The following AHI1 variants were observed in gnomAD, a reference collection of about 807,000 sequenced individuals.
AHI1 encodes jouberin.
In AHI1, 123 loss-of-function variants were observed where a neutral mutation model predicts 149.3. The observed-to-expected ratio is 0.82, with a 90% CI of 0.71 to 0.96. The LOEUF is 0.96. AHI1 is among the 40% of genes least tolerant of loss of function. The pLI is 0.00. For missense variants in AHI1, 1,439 were observed against 1,422.7 expected (o/e 1.01, Z -0.18); for synonymous variants, 475 against 459.8 (o/e 1.03, Z -0.42).
chr6:135,411,878 T>C (rs1781646124), intron 20 of AHI1, among the ~76,000 whole-genome samples: 1 of 152,180 alleles, frequency 6.6e-6, no homozygotes, highest in Admixed American at 6.5e-5. Flanking sequence ...ATAATATTTA[T>C]TCACAAGCCT....
intron 26 of AHI1, among the ~76,000 whole-genome samples, chr6:135,318,247 C>G (rs756031493): frequency 2.0e-5 from 3 of 152,210 alleles, no homozygotes; most frequent in Non-Finnish European, 4.4e-5. Flanking sequence ...AGAAACAGCA[C>G]ACCTAAAGCC....
Position 135,455,887 on chromosome 6 carries a change from C to G in AHI1, c.1191G>C (p.Val397=). ...GGGTCATAATAGGAAGAATATAATC[C>G]ACATTCTCTTTTTCATAGTAAGATG... ...PVSSYYEKEN[V]DYILPIMTQP... The change falls in exon 10 of 29, where the codon GTG becomes GTC. Residue 397 remains valine, a synonymous_variant. Transcript: ENST00000265602. 6.5e-7 allele frequency: 1 copy of G among 1,547,866 alleles called. No homozygotes were observed. Among genetic ancestry groups the G allele is most frequent in the East Asian group, 2.3e-5 (1 of 43,738 alleles).
chr6:135,290,596 T>C (rs375877893), intron 27 of AHI1, 71 bp from the exon 28 acceptor site: 1 of 1,532,052 alleles, frequency 6.5e-7, no homozygotes. Flanking sequence ...GATGAGGCTT[T>C]GATCTAGGGC....
intron 13 of AHI1, 110 bp downstream of exon 13, chr6:135,446,898 G>T: frequency 8.4e-7 from 1 of 1,192,254 alleles, no homozygotes; most frequent in East Asian, 2.5e-5. Context: ...TTAAAAACAA[G>T]GATAAATAGC....
At chr6:135,443,239 CTCAT>C (rs1358056634) in intron 13 of AHI1, among the ~76,000 whole-genome samples, 1 of 152,176 alleles carries the variant, frequency 6.6e-6, no homozygotes, top group African/African-American at 2.4e-5. Context: ...TTATTGGTCT[CTCAT>C]TCATTATTAC....
chr6:135,385,883 AT>A (rs1257421475), intron 23 of AHI1, among the ~76,000 whole-genome samples: 1 of 152,224 alleles, frequency 6.6e-6, no homozygotes, highest in African/African-American at 2.4e-5. Context: ...GTGTCTTTAA[AT>A]TCTTTCTTAA....
chr6:135,342,844 T>C (rs1021870616), intron 24 of AHI1, among the ~76,000 whole-genome samples: 4 of 151,566 alleles, frequency 2.6e-5, no homozygotes, highest in Middle Eastern at 6.4e-3. Context: ...TCATAATTAA[T>C]GGTAAAAGAC....
chr6:135,394,596 C>T, intron 23 of AHI1, 180 bp downstream of exon 23: 1 of 833,092 alleles, frequency 1.2e-6, no homozygotes, highest in East Asian at 2.9e-5. Flanking sequence ...GTTACCAATT[C>T]CAAACTTACT....
chr6:135,448,485 A>T lies in AHI1; in HGVS notation c.1441-10T>A. 1 of 1,450,446 alleles carries T rather than the reference A, an allele frequency of 6.9e-7. No homozygotes were observed. Among genetic ancestry groups the T allele is most frequent in the African/African-American group, 1.4e-5 (1 of 72,274 alleles). 89.8% of individuals were successfully genotyped at this position (1,450,446 alleles called of 1,614,324 possible). ...CATTGGCTCCCAGAAGCTTAAAATA[A>T]GAATTCATATAAAATGTTACCTTCA... On this transcript the variant is annotated splice_polypyrimidine_tract_variant and intron_variant, in intron 11 of 28. Transcript: ENST00000265602.
rs541370297 is a variant in AHI1 at position 135,318,508 on chromosome 6, A to G, written c.3426+11T>C. The G allele has an allele frequency of 3.9e-6, 6 of 1,550,242 alleles. No individual in the cohort carries two copies. The East Asian group carries it at 1.4e-4, about 36-fold the overall frequency. ...AGTACATATGTAATACGTATGCTCA[A>G]AAACATTTACCTTTTGAGGAGCTGG... On this transcript the variant is annotated intron_variant, in intron 26 of 28. Transcript: ENST00000265602.
intron 23 of AHI1, among the ~76,000 whole-genome samples, chr6:135,374,505 T>C (rs1300279438): frequency 1.3e-5 from 2 of 152,128 alleles, no homozygotes; most frequent in African/African-American, 4.8e-5. Context: ...GTTTTGCAGA[T>C]AATATAATTT....
chr6:135,452,637 T>G (rs1275178812), intron 11 of AHI1, among the ~76,000 whole-genome samples: 1 of 152,206 alleles, frequency 6.6e-6, no homozygotes, highest in Admixed American at 6.5e-5. Context: ...CTATAATGGC[T>G]TCCTCTTGCT....
chr6:135,490,816 T>C, intron 4 of AHI1, 69 bp from the exon 5 acceptor site: 1 of 1,528,806 alleles, frequency 6.5e-7, no homozygotes, highest in African/African-American at 1.4e-5. Flanking sequence ...ACTACTAGGA[T>C]GTTAAGAAAT....
At chr6:135,377,462 GTTATTTATTTATTTAT>G (rs57058733) in intron 23 of AHI1, among the ~76,000 whole-genome samples, 10 of 148,408 alleles carry the variant, frequency 6.7e-5, no homozygotes, top group Admixed American at 1.3e-4. Flanking sequence ...CTGGCTTTGA[GTTATTTATTTATTTAT>G]TTATTTATTT....
intron 26 of AHI1, among the ~76,000 whole-genome samples, chr6:135,310,734 T>C (rs1785084176): frequency 6.6e-6 from 1 of 152,192 alleles, no homozygotes; most frequent in Non-Finnish European, 1.5e-5. Flanking sequence ...AAAATAACAG[T>C]AGTTTCTCCA....
chr6:135,344,389 TTA>T lies in AHI1; in HGVS notation c.3165+13741_3165+13742del, dbSNP rs1354105553. 1.7e-4 allele frequency among the ~76,000 whole-genome samples: 25 copies of T among 150,912 alleles called. No homozygotes were observed. The South Asian group carries it at 2.3e-3, about 14-fold the overall frequency. On this transcript the variant is annotated intron_variant, in intron 24 of 28. Coordinates refer to ENST00000265602, the MANE Select transcript of AHI1 (RefSeq NM_001134831.2). Reference sequence around the variant, plus strand: ...ATATAAATATATTTACATTAAAAATTTATATATATTTTACAAAATTTTACAAT... The same window carrying T: ...ATATAAATATATTTACATTAAAAATTTATATATTTTACAAAATTTTACAAT...
chr6:135,348,367 G>C (rs1455536391), intron 24 of AHI1, among the ~76,000 whole-genome samples: 7 of 151,978 alleles, frequency 4.6e-5, no homozygotes. Flanking sequence ...TTAACTCAAG[G>C]TTTGCTTCCT....
chr6:135,406,825 G>A lies in AHI1; in HGVS notation c.2962-1848C>T, dbSNP rs999183818. On this transcript the variant is annotated intron_variant, in intron 21 of 28. Transcript: ENST00000265602. ...TCTACCTTTTATTATATTATAAGGT[G>A]TATTTTCATGGATTCTCATTTGTTA... 4.6e-5 allele frequency among the ~76,000 whole-genome samples: 7 copies of A among 152,184 alleles called. No homozygotes were observed. In the East Asian group the frequency reaches 9.7e-4, roughly 21 times the overall value.
At position 135,394,863 on chromosome 6, in the gene AHI1, C is replaced by A. The variant is rs1424457120; in HGVS notation, c.3022G>T (p.Ala1008Ser). The change falls in exon 23 of 29, where the codon GCA becomes TCA. Residue 1008 changes from alanine to serine, a missense_variant. Transcript: ENST00000265602. The stretch of plus-strand genomic sequence containing the variant: ...AACTTAGACTGTTGTGAGGAAACTG[C>A]TGGTGGTGAAGTAAATGAGAGATTT... ...NKNLSFTSPP[A>S]VSSQQSKLKQ... The A allele has an allele frequency of 1.9e-6, 3 of 1,603,442 alleles. No individual in the cohort carries two copies. The highest frequency in any genetic ancestry group is 2.6e-6 in the Non-Finnish European group (3 of 1,174,332).
Sources: allele counts gnomAD v4.1 joint callset (sites outside exome capture counted in the v4.1 genomes callset), GRCh38; gene constraint gnomAD v4.1.1; transcripts MANE v1.5; gene names NCBI Gene and HGNC (gene_info 2026-07-23, HGNC 2026-07-21).